The following TMEM178A variants were observed in gnomAD, a reference collection of about 807,000 sequenced individuals.
The protein encoded by TMEM178A is transmembrane protein 178.
Under a neutral mutation model 29.1 loss-of-function variants are expected in TMEM178A, and 12 were observed. That is an observed-to-expected ratio of 0.41 (90% confidence interval 0.26 to 0.67). The LOEUF is 0.67. Among genes scored for constraint, TMEM178A ranks in the 30% least tolerant of loss-of-function variants. The pLI is 0.29. For synonymous variants in TMEM178A, 210 were observed against 187.2 expected (o/e 1.12, Z -0.99); for missense variants, 366 against 419.1 (o/e 0.87, Z 1.11).
At chr2:39,716,878 A>C (rs914848330) in intron 3 of TMEM178A, 132 bp from the exon 4 acceptor site, 5 of 1,157,954 alleles carry the variant, frequency 4.3e-6, no homozygotes, top group Non-Finnish European at 6.1e-6. Flanking sequence ...AAGTAAAATA[A>C]TTATGGATCA....
intron 3 of TMEM178A, among the ~76,000 whole-genome samples, chr2:39,707,649 T>G (rs1320939624): frequency 6.6e-6 from 1 of 152,018 alleles, no homozygotes; most frequent in Non-Finnish European, 1.5e-5. Context: ...TTTTTGTATT[T>G]TTAGTAGGGT....
At chr2:39,672,689 C>G (rs577930272) in intron 1 of TMEM178A, among the ~76,000 whole-genome samples, 3 of 152,102 alleles carry the variant, frequency 2.0e-5, no homozygotes, top group East Asian at 3.9e-4. Flanking sequence ...TGCTAGCACA[C>G]CTGGCTGATT....
intron 1 of TMEM178A, among the ~76,000 whole-genome samples, chr2:39,692,850 C>T (rs997415479): frequency 2.0e-5 from 3 of 152,188 alleles, no homozygotes; most frequent in African/African-American, 7.2e-5. Flanking sequence ...AACCAGTATT[C>T]TAGTTTACAC....
At chr2:39,733,356 T>C in the TMEM178A span, among the ~76,000 whole-genome samples, 5 of 152,178 alleles carry the variant, frequency 3.3e-5, no homozygotes, top group Admixed American at 2.0e-4. Flanking sequence ...TATTAATGCT[T>C]TGTGTCACCA....
intron 3 of TMEM178A, among the ~76,000 whole-genome samples, chr2:39,710,946 C>G (rs1324820987): frequency 6.6e-6 from 1 of 152,258 alleles, no homozygotes; most frequent in Non-Finnish European, 1.5e-5. Flanking sequence ...ACAGACAGGT[C>G]TTGATTACCA....
At chr2:39,727,341 TAACA>T in the TMEM178A span, among the ~76,000 whole-genome samples, 1 of 152,222 alleles carries the variant, frequency 6.6e-6, no homozygotes, top group East Asian at 1.9e-4. Context: ...AATGAATAAA[TAACA>T]AGATTTGAAA....
chr2:39,668,752 A>G (rs1320779209), intron 1 of TMEM178A, among the ~76,000 whole-genome samples: 1 of 152,246 alleles, frequency 6.6e-6, no homozygotes, highest in African/African-American at 2.4e-5. Flanking sequence ...GCTACTAACC[A>G]ACCTTGGGCT....
chr2:39,680,194 C>A (rs1034129169), intron 1 of TMEM178A, among the ~76,000 whole-genome samples: 1 of 152,106 alleles, frequency 6.6e-6, no homozygotes, highest in Non-Finnish European at 1.5e-5. Context: ...AGGTTGGATT[C>A]GTGTAACCTG....
chr2:39,717,576 A>G lies in TMEM178A; in HGVS notation c.*325A>G. On this transcript the variant is annotated 3_prime_UTR_variant, in exon 4 of 4. Transcript: ENST00000281961. ...TTATTTCAGAAAGTTTGTATGTAAC[A>G]ATTACCCGAGAGTCATTTCTACTTG... The G allele has an allele frequency of 4.6e-6, 1 of 215,994 alleles. No homozygotes were observed. Among genetic ancestry groups the G allele is most frequent in the Non-Finnish European group, 9.3e-6 (1 of 108,034 alleles). 13.4% of individuals were successfully genotyped at this position (215,994 alleles called of 1,614,324 possible).
intron 3 of TMEM178A, 97 bp from the exon 4 acceptor site, chr2:39,716,913 C>A (rs371628776): frequency 2.0e-5 from 28 of 1,392,840 alleles, no homozygotes; most frequent in East Asian, 9.2e-5. Context: ...GTGACTGCCT[C>A]AGTGGTTGAT....
chr2:39,688,619 G>C (rs181204559), intron 1 of TMEM178A, among the ~76,000 whole-genome samples: 1 of 152,362 alleles, frequency 6.6e-6, no homozygotes, highest in Admixed American at 6.5e-5. Flanking sequence ...CTAACTGTAA[G>C]AGGGTGGGCT....
chr2:39,672,942 A>G (rs540281262), intron 1 of TMEM178A, among the ~76,000 whole-genome samples: 1 of 152,306 alleles, frequency 6.6e-6, no homozygotes, highest in African/African-American at 2.4e-5. Context: ...GTGAAATGCC[A>G]GGGGATGGGA....
downstream of TMEM178A, among the ~76,000 whole-genome samples, chr2:39,719,723 C>A (rs896265733): frequency 1.3e-5 from 2 of 152,038 alleles, no homozygotes; most frequent in Non-Finnish European, 2.9e-5. Context: ...GTCCCACACA[C>A]CCCCCTTTTT....
At chr2:39,700,861 G>A (rs927709424) in intron 1 of TMEM178A, among the ~76,000 whole-genome samples, 2 of 149,596 alleles carry the variant, frequency 1.3e-5, no homozygotes, top group Admixed American at 1.3e-4. Flanking sequence ...TTTCTTAGTG[G>A]TTGCCCTGTG....
Position 39,665,919 on chromosome 2 carries a change from A to G in TMEM178A, c.-56A>G, listed in dbSNP as rs1172718936. 4 of 1,328,644 alleles carry G rather than the reference A, an allele frequency of 3.0e-6. No homozygotes were observed. Among genetic ancestry groups the G allele is most frequent in the Non-Finnish European group, 3.8e-6 (4 of 1,041,588 alleles). 82.3% of individuals were successfully genotyped at this position (1,328,644 alleles called of 1,614,324 possible). The stretch of plus-strand genomic sequence containing the variant: ...CGGGCGGAGAGCTGGGGCCAAGTGC[A>G]TTGTGTCTGGCGGCGGCGCGCGAGC... On this transcript the variant is annotated 5_prime_UTR_variant, in exon 1 of 4. Coordinates refer to ENST00000281961, the MANE Select transcript of TMEM178A (RefSeq NM_152390.3).
At position 39,693,103 on chromosome 2, in the gene TMEM178A, G is replaced by A. The variant is rs147131428; in HGVS notation, c.401-10978G>A. 2.5e-3 allele frequency among the ~76,000 whole-genome samples: 374 copies of A among 152,220 alleles called. 1 individual carries two copies. Among genetic ancestry groups the A allele is most frequent in the African/African-American group, 8.4e-3 (351 of 41,540 alleles). ...CACTTCAGCCTGGGCAATAGAGCGA[G>A]ACTCTGTTTCAAAAAACAAAAACGA... On this transcript the variant is annotated intron_variant, in intron 1 of 3. Transcript: ENST00000281961.
chr2:39,729,835 G>T, the TMEM178A span, among the ~76,000 whole-genome samples: 5 of 152,264 alleles, frequency 3.3e-5, no homozygotes, highest in South Asian at 4.1e-4. Context: ...ACAATTCTGG[G>T]TTGCATCCTA....
intron 2 of TMEM178A, among the ~76,000 whole-genome samples, chr2:39,706,824 C>A (rs548181605): frequency 2.6e-5 from 4 of 152,200 alleles, no homozygotes; most frequent in African/African-American, 9.7e-5. Flanking sequence ...TGGACTTCTC[C>A]ACGGACTCAG....
chr2:39,707,787 G>C (rs905468907), intron 3 of TMEM178A, among the ~76,000 whole-genome samples: 43 of 152,252 alleles, frequency 2.8e-4, no homozygotes, highest in African/African-American at 1.0e-3. Context: ...CTTTCATACT[G>C]TGCCCCAAAC....
Sources: gnomAD v4.1 joint callset for allele counts (sites outside exome capture counted in the v4.1 genomes callset) on GRCh38, gnomAD v4.1.1 for gene constraint, MANE v1.5 for transcripts, NCBI Gene and HGNC (gene_info 2026-07-23, HGNC 2026-07-21) for gene names.